Variants in EEF2K observed in about 807,000 individuals in gnomAD.
The protein encoded by EEF2K is alternative protein EEF2K.
In EEF2K, 70 loss-of-function variants were observed where a neutral mutation model predicts 93.8. The ratio of observed to expected loss-of-function variants is 0.75; its 90% confidence interval spans 0.62 to 0.91. The LOEUF is 0.91. Ranked by LOEUF, EEF2K falls within the 40% of genes least tolerant of loss-of-function variation. The pLI, the probability that EEF2K is intolerant of heterozygous loss-of-function variation, is 0.00. For missense variants in EEF2K, 935 were observed against 972.9 expected, an observed-to-expected ratio of 0.96 and a Z score of 0.52; for synonymous variants, 376 against 380.8, an observed-to-expected ratio of 0.99 and a Z score of 0.15.
At chr16:22,243,220 CAAG>C (rs2047243221) in intron 2 of EEF2K, among the ~76,000 whole-genome samples, 1 of 149,310 alleles carries the variant, frequency 6.7e-6, no homozygotes, top group African/African-American at 2.5e-5. Context: ...CTGGTAAGGT[CAAG>C]AATCTCCACC....
At chr16:22,282,231 C>T (rs1466703218) in intron 17 of EEF2K, among the ~76,000 whole-genome samples, 1 of 152,198 alleles carries the variant, frequency 6.6e-6, no homozygotes, top group Non-Finnish European at 1.5e-5. Context: ...TCTCCCAGTT[C>T]TGGAGGCTGG....
At chr16:22,248,628 G>A (rs2047318258) in intron 3 of EEF2K, 127 bp from the exon 4 acceptor site, 1 of 1,119,882 alleles carries the variant, frequency 8.9e-7, no homozygotes, top group African/African-American at 1.5e-5. Flanking sequence ...GCTGGGCTAT[G>A]GGCCAAGGTG....
At chr16:22,248,929 CGGGG>C in intron 4 of EEF2K, 114 bp downstream of exon 4, 1 of 1,009,924 alleles carries the variant, frequency 9.9e-7, no homozygotes, top group Non-Finnish European at 1.4e-6. Context: ...TTTGTAACTT[CGGGG>C]GATTCTTTGT....
Position 22,226,517 on chromosome 16 carries a change from C to CTTT in EEF2K, c.246+555_246+557dup, listed in dbSNP as rs553013823. Among the ~76,000 whole-genome samples the CTTT allele has an allele frequency of 1.1e-4, 12 of 106,898 alleles. 1 individual carries two copies. The highest frequency in any genetic ancestry group is 3.0e-4 in the African/African-American group (7 of 23,626). 70.1% of individuals were successfully genotyped at this position (106,898 alleles called of 152,430 possible). On this transcript the variant is annotated intron_variant, in intron 2 of 17. Transcript: ENST00000263026. ...CTTTTTCTTTCTTTTCCTTCTTCTTCTTTTTTTTTTTTTTTATAAACGTGG... is the reference window on the plus strand; with the variant it reads ...CTTTTTCTTTCTTTTCCTTCTTCTTCTTTTTTTTTTTTTTTTTTATAAACGTGG...
chr16:22,272,090 T>C (rs962387278), intron 15 of EEF2K, among the ~76,000 whole-genome samples: 3 of 152,004 alleles, frequency 2.0e-5, no homozygotes, highest in Admixed American at 6.6e-5. Flanking sequence ...TTTCTTACAA[T>C]AGAAAAAACA....
In EEF2K at chr16:22,245,198, G is replaced by C. The variant is rs188624256; in HGVS notation, c.347+468G>C. 1.6e-3 allele frequency among the ~76,000 whole-genome samples: 247 copies of C among 152,282 alleles called. 1 individual carries two copies. The highest frequency in any genetic ancestry group is 6.2e-3 in the South Asian group (30 of 4,826). ...CAGGAGAATCGCTTGAACTCAGGAA[G>C]TGGAGGTTGCAGTGAGCTGATATAG... is the stretch of plus-strand genomic sequence containing the variant. On this transcript the variant is annotated intron_variant, in intron 3 of 17. Coordinates refer to ENST00000263026, the MANE Select transcript of EEF2K (RefSeq NM_013302.5).
chr16:22,274,183 A>G (rs1156972453), intron 16 of EEF2K, among the ~76,000 whole-genome samples: 1 of 152,008 alleles, frequency 6.6e-6, no homozygotes, highest in South Asian at 2.1e-4. Context: ...TGGCTCACGC[A>G]TGTAATCTTA....
chr16:22,246,763 G>T (rs1334993762), intron 3 of EEF2K, among the ~76,000 whole-genome samples: 1 of 151,854 alleles, frequency 6.6e-6, no homozygotes, highest in Non-Finnish European at 1.5e-5. Context: ...GAATTGGCCG[G>T]GTGCGATGGC....
chr16:22,267,682 C>T (rs1050609908), intron 15 of EEF2K, among the ~76,000 whole-genome samples: 2 of 151,936 alleles, frequency 1.3e-5, no homozygotes, highest in African/African-American at 2.4e-5. Flanking sequence ...AGGTGAGCAG[C>T]TCAGGTAGAA....
rs1268028075 is a variant in EEF2K, at chr16:22,248,825, G to A, written c.408+10G>A. ...CAAGATGGCATCTCAGGTGAGCAGAGCGTTGAGCCCCGTGGGGACAGGGCT... is the reference window on the plus strand; with the variant it reads ...CAAGATGGCATCTCAGGTGAGCAGAACGTTGAGCCCCGTGGGGACAGGGCT... On this transcript the variant is annotated intron_variant, in intron 4 of 17. Transcript: ENST00000263026. 1.9e-6 allele frequency: 3 copies of A among 1,613,880 alleles called. No homozygotes were observed. Among genetic ancestry groups the A allele is most frequent in the South Asian group, 1.1e-5 (1 of 91,064 alleles).
In EEF2K at chr16:22,266,830, TG is replaced by T; in HGVS notation, c.1719del (p.Met573IlefsTer10). 3 of 1,613,934 alleles carry T rather than the reference TG, an allele frequency of 1.9e-6. No individual in the cohort carries two copies. The highest frequency in any genetic ancestry group is 2.5e-6 in the Non-Finnish European group (3 of 1,179,924). ...ELEAIVGLGL[M>X]YSQLPHHILA... ...GAGGCCATCGTGGGCCTGGGACTCA[TG>T]TACTCGCAGTTGCCTCATCACATCC... On this transcript the variant is annotated frameshift_variant, in exon 15 of 18. Transcript: ENST00000263026. LOFTEE classifies it high-confidence loss of function.
rs139652801 is a variant in EEF2K, at chr16:22,223,286, T to G, written c.-76-2368T>G. On this transcript the variant is annotated intron_variant, in intron 1 of 17. Transcript: ENST00000263026. ...TGTTTTTTTTTTTTTTTTTTGGTTT[T>G]GTTTTGTTTTTAGACAAGGTCTCAC... Among the ~76,000 whole-genome samples, 493 of 150,322 alleles carry G rather than the reference T, an allele frequency of 3.3e-3. 3 individuals carry two copies. Among genetic ancestry groups the G allele is most frequent in the African/African-American group, 0.011 (458 of 40,698 alleles).
At chr16:22,226,886 T>C (rs986800425) in intron 2 of EEF2K, among the ~76,000 whole-genome samples, 20 of 152,178 alleles carry the variant, frequency 1.3e-4, no homozygotes, top group African/African-American at 4.1e-4. Flanking sequence ...CTGGGCAACA[T>C]AGTGAGACCC....
At chr16:22,244,882 C>T (rs1039242736) in intron 3 of EEF2K, 152 bp downstream of exon 3, 9 of 741,278 alleles carry the variant, frequency 1.2e-5, no homozygotes, top group African/African-American at 1.7e-5. Flanking sequence ...TGCTTAAGGC[C>T]CGGTGCATTA....
chr16:22,268,875 TG>T (rs2047550658), intron 15 of EEF2K, among the ~76,000 whole-genome samples: 1 of 151,712 alleles, frequency 6.6e-6, no homozygotes, highest in Non-Finnish European at 1.5e-5. Context: ...GAGAATCACT[TG>T]AACCTGGGAG....
chr16:22,270,971 C>CTT (rs11290278), intron 15 of EEF2K, among the ~76,000 whole-genome samples: 11 of 129,606 alleles, frequency 8.5e-5, no homozygotes, highest in Admixed American at 1.6e-4. Flanking sequence ...TTTTGTTTTT[C>CTT]TTTTTTTTTT....
chr16:22,264,289 C>CAAAAAAAAAAAAAAAA (rs59993193), intron 12 of EEF2K, among the ~76,000 whole-genome samples: 1 of 39,900 alleles, frequency 2.5e-5, no homozygotes, highest in Admixed American at 3.8e-4. Flanking sequence ...GAGACTGTCT[C>CAAAAAAAAAAAAAAAA]AAAAAAAAAA....
intron 2 of EEF2K, among the ~76,000 whole-genome samples, chr16:22,240,130 G>A (rs1021983926): frequency 5.3e-5 from 8 of 151,092 alleles, no homozygotes; most frequent in Non-Finnish European, 5.9e-5. Context: ...AAGGTACAGG[G>A]ACCGAAATTC....
At chr16:22,225,615 GC>G in intron 1 of EEF2K, 38 bp from the exon 2 acceptor site, 1 of 1,491,744 alleles carries the variant, frequency 6.7e-7, no homozygotes, top group Non-Finnish European at 8.9e-7. Context: ...GCAGCCCTGG[GC>G]CCCAGCACCC....
Sources: allele counts gnomAD v4.1 joint callset (sites outside exome capture counted in the v4.1 genomes callset), GRCh38; gene constraint gnomAD v4.1.1; transcripts MANE v1.5; gene names NCBI Gene and HGNC (gene_info 2026-07-23, HGNC 2026-07-21).